NAALADL2: variants seen among roughly 807,000 people sequenced by gnomAD.
NAALADL2 encodes the protein N-acetylated alpha-linked acidic dipeptidase like 2, also known as inactive N-acetylated-alpha-linked acidic dipeptidase-like protein 2.
In NAALADL2, 76 loss-of-function variants were observed where a neutral mutation model predicts 87.2. That is an observed-to-expected ratio of 0.87 (90% CI 0.72 to 1.05). The LOEUF (loss-of-function observed/expected upper bound fraction) is 1.05, where lower values mean the gene tolerates loss of function less well. Ranked by LOEUF, NAALADL2 falls within the 50% of genes least tolerant of loss-of-function variation. The probability of loss-of-function intolerance (pLI) is 0.00; values close to 1 mark genes in which losing one functional copy is unlikely to be tolerated. For missense variants in NAALADL2, 1,089 were observed against 945.8 expected, an observed-to-expected ratio of 1.15 and a Z score of -1.99; for synonymous variants, 354 against 331.0, an observed-to-expected ratio of 1.07 and a Z score of -0.75.
chr3:174,976,482 C>T (rs1440094024), intron 1 of NAALADL2, among the ~76,000 whole-genome samples: 1 of 152,088 alleles, frequency 6.6e-6, no homozygotes, highest in South Asian at 2.1e-4. Context: ...TATGTGTTTG[C>T]CTTGATTCAG....
rs911919103 is a variant in NAALADL2, at chr3:175,752,762, G to T, written c.1991-2458G>T. Reference sequence around the variant, plus strand: ...TAAATAAGGTAGAATGATACAATTTGTCTCACTTGATTCGGTAGTAATGTG... The same window carrying T: ...TAAATAAGGTAGAATGATACAATTTTTCTCACTTGATTCGGTAGTAATGTG... On this transcript the variant is annotated intron_variant, in intron 12 of 13. Transcript: ENST00000454872. Among the ~76,000 whole-genome samples the T allele has an allele frequency of 5.3e-5, 8 of 152,096 alleles. No individual in the cohort carries two copies. In the South Asian group the frequency reaches 1.7e-3, roughly 32 times the overall value.
chr3:175,655,538 T>C (rs544537402), intron 11 of NAALADL2: 5 of 276,580 alleles, frequency 1.8e-5, no homozygotes, highest in Non-Finnish European at 3.7e-5. Flanking sequence ...CTATGATTGC[T>C]GAAATAAAGT....
intron 2 of NAALADL2, among the ~76,000 whole-genome samples, chr3:175,214,624 G>A (rs944690222): frequency 5.3e-5 from 8 of 151,936 alleles, no homozygotes; most frequent in Non-Finnish European, 8.8e-5. Flanking sequence ...TTCTTATAGA[G>A]TCTTCTACAG....
intron 3 of NAALADL2, among the ~76,000 whole-genome samples, chr3:174,751,002 C>A (rs538127829): frequency 2.7e-4 from 41 of 151,930 alleles, no homozygotes; most frequent in African/African-American, 9.4e-4. Flanking sequence ...TTTATGTTTT[C>A]TTCAATTATA....
At chr3:175,291,849 A>C (rs950129915) in intron 4 of NAALADL2, among the ~76,000 whole-genome samples, 10 of 152,216 alleles carry the variant, frequency 6.6e-5, no homozygotes, top group Admixed American at 3.3e-4. Flanking sequence ...CCAGTATAGT[A>C]AGTATGCCTT....
intron 11 of NAALADL2, among the ~76,000 whole-genome samples, chr3:175,642,126 A>G (rs1729370252): frequency 6.6e-6 from 1 of 152,198 alleles, no homozygotes; most frequent in Non-Finnish European, 1.5e-5. Flanking sequence ...AAAAGGGATA[A>G]CTATGTGTTT....
At chr3:175,094,685 A>C (rs1415706221) in intron 1 of NAALADL2, among the ~76,000 whole-genome samples, 1 of 151,682 alleles carries the variant, frequency 6.6e-6, no homozygotes, top group Non-Finnish European at 1.5e-5. Context: ...AATATTTAGT[A>C]TAACATGGTG....
chr3:175,475,502 G>A (rs1270905663), intron 9 of NAALADL2, among the ~76,000 whole-genome samples: 2 of 152,160 alleles, frequency 1.3e-5, no homozygotes, highest in East Asian at 3.9e-4. Flanking sequence ...CATATTTTAG[G>A]CAGCATTCTG....
intron 9 of NAALADL2, among the ~76,000 whole-genome samples, chr3:175,536,520 T>A (rs945068073): frequency 1.1e-4 from 17 of 152,188 alleles, no homozygotes; most frequent in African/African-American, 4.1e-4. Flanking sequence ...ATCATGTATT[T>A]ACTAAATGGA....
intron 9 of NAALADL2, among the ~76,000 whole-genome samples, chr3:175,529,740 G>C (rs1046781860): frequency 6.6e-6 from 1 of 152,212 alleles, no homozygotes; most frequent in Non-Finnish European, 1.5e-5. Context: ...ACCTTGGTCA[G>C]AGGCAATGCT....
chr3:175,296,450 CAT>C (rs1398668146), intron 4 of NAALADL2, among the ~76,000 whole-genome samples: 1 of 152,148 alleles, frequency 6.6e-6, no homozygotes, highest in East Asian at 1.9e-4. Flanking sequence ...CTTAGGCATG[CAT>C]ATGTTTAAAC....
intron 2 of NAALADL2, among the ~76,000 whole-genome samples, chr3:174,553,347 T>C (rs577434676): frequency 2.0e-5 from 3 of 152,194 alleles, no homozygotes; most frequent in Non-Finnish European, 4.4e-5. Flanking sequence ...AAGGTGTTAA[T>C]AGTTTATGCG....
At chr3:175,589,759 T>C (rs2149598591) in intron 10 of NAALADL2, among the ~76,000 whole-genome samples, 1 of 149,870 alleles carries the variant, frequency 6.7e-6, no homozygotes, top group South Asian at 2.1e-4. Flanking sequence ...GCATAAAATT[T>C]GGACCAAAGT....
intron 7 of NAALADL2, among the ~76,000 whole-genome samples, chr3:175,464,072 G>A (rs1427741368): frequency 6.6e-6 from 1 of 152,074 alleles, no homozygotes; most frequent in African/African-American, 2.4e-5. Flanking sequence ...CTATCCTCAT[G>A]TGATCCACCA....
intron 10 of NAALADL2, among the ~76,000 whole-genome samples, chr3:175,614,462 A>G (rs1267708062): frequency 6.6e-6 from 1 of 152,200 alleles, no homozygotes; most frequent in East Asian, 1.9e-4. Flanking sequence ...ATATTTTATG[A>G]TCAGATTATT....
intron 9 of NAALADL2, among the ~76,000 whole-genome samples, chr3:175,572,380 T>C (rs1227705050): frequency 6.7e-6 from 1 of 148,686 alleles, no homozygotes; most frequent in Non-Finnish European, 1.5e-5. Context: ...TAGATAATGC[T>C]CACTCTGTTG....
At chr3:175,320,372 G>A (rs60569964) in intron 4 of NAALADL2, among the ~76,000 whole-genome samples, 26,592 of 152,086 alleles carry the variant, frequency 0.17, 2,596 homozygotes, top group East Asian at 0.25. Context: ...CAAATGACAG[G>A]GTCTATTCTC....
chr3:175,665,789 G>A (rs1019944010), intron 11 of NAALADL2, among the ~76,000 whole-genome samples: 3 of 152,034 alleles, frequency 2.0e-5, no homozygotes, highest in African/African-American at 7.2e-5. Flanking sequence ...AAATTAGCTG[G>A]ACGTGGTGGT....
At chr3:175,080,018 T>G (rs1717452517) in intron 1 of NAALADL2, among the ~76,000 whole-genome samples, 3 of 151,670 alleles carry the variant, frequency 2.0e-5, no homozygotes, top group African/African-American at 4.9e-5. Flanking sequence ...CAGGCTAGAG[T>G]GCAGTGGAGC....
Sources: allele counts gnomAD v4.1 joint callset (sites outside exome capture counted in the v4.1 genomes callset), GRCh38; gene constraint gnomAD v4.1.1; transcripts MANE v1.5; gene names NCBI Gene and HGNC (gene_info 2026-07-23, HGNC 2026-07-21).